The following NREP variants were observed in gnomAD, a reference collection of about 807,000 sequenced individuals.
NREP encodes the protein neuronal regeneration related protein.
In NREP, 5 loss-of-function variants were observed where a neutral mutation model predicts 8.6. That is an observed-to-expected ratio of 0.58 (90% CI 0.30 to 1.22). The LOEUF (loss-of-function observed/expected upper bound fraction) is 1.22, where lower values mean the gene tolerates loss of function less well. Ranked by LOEUF, NREP falls within the 50% of genes most tolerant of loss-of-function variation. NREP has a pLI of 0.07. For missense variants in NREP, 86 were observed against 82.5 expected (o/e 1.04, Z -0.17); for synonymous variants, 27 against 28.0 (o/e 0.96, Z 0.11).
chr5:111,904,006 G>C (rs1349935260), intron 2 of NREP, among the ~76,000 whole-genome samples: 17 of 151,966 alleles, frequency 1.1e-4, no homozygotes, highest in Admixed American at 1.1e-3. Context: ...TTTTTACATA[G>C]AACATTAATA....
chr5:111,853,353 T>C (rs1753354060), intron 2 of NREP, among the ~76,000 whole-genome samples: 1 of 151,916 alleles, frequency 6.6e-6, no homozygotes, highest in Non-Finnish European at 1.5e-5. Context: ...ACCCATAGAA[T>C]GTACAATGTT....
rs372488581 is a variant in NREP at position 111,757,163 on chromosome 5, C to A, written c.-86G>T. ...ACAAAAGCCCCGCTCCCTGTTCACT[C>A]TCTCTCCTCTCTACACCTGAAACAC... is the stretch of plus-strand genomic sequence containing the variant. On this transcript the variant is annotated 5_prime_UTR_variant, in exon 1 of 4. Transcript: ENST00000257435. The A allele has an allele frequency of 3.3e-5, 32 of 981,566 alleles. No homozygotes were observed. The South Asian group carries it at 1.3e-3, about 41-fold the overall frequency. The allele number at this position is 981,566 out of a possible 1,614,324, so 60.8% of individuals were successfully genotyped here. A position where few individuals can be genotyped will look rare whatever the true frequency, so the allele number is the denominator to read the frequency against.
At chr5:111,802,847 A>T (rs1304170206) in intron 2 of NREP, among the ~76,000 whole-genome samples, 1 of 152,234 alleles carries the variant, frequency 6.6e-6, no homozygotes, top group Non-Finnish European at 1.5e-5. Flanking sequence ...GTTGCAAGGG[A>T]CTATGAGCTC....
At chr5:111,948,761 C>T (rs1212895181) in intron 2 of NREP, 1 of 152,052 alleles carries the variant, frequency 6.6e-6, no homozygotes, top group Non-Finnish European at 1.5e-5. Context: ...CTGTGTCTGA[C>T]TCATATCATG....
At chr5:111,821,008 G>A (rs1752501904) in intron 2 of NREP, among the ~76,000 whole-genome samples, 1 of 152,172 alleles carries the variant, frequency 6.6e-6, no homozygotes. Context: ...TGAATCCCCA[G>A]TCTTTCAGAT....
intron 2 of NREP, among the ~76,000 whole-genome samples, chr5:111,943,982 T>C (rs1006285572): frequency 1.3e-5 from 2 of 152,116 alleles, no homozygotes; most frequent in Non-Finnish European, 2.9e-5. Context: ...TTAGAAATGT[T>C]TCTTCTATTG....
chr5:111,944,234 T>G (rs1755913715), intron 2 of NREP, among the ~76,000 whole-genome samples: 1 of 152,140 alleles, frequency 6.6e-6, no homozygotes, highest in African/African-American at 2.4e-5. Flanking sequence ...AGTACAATTG[T>G]TAGGTTTCTT....
chr5:111,826,150 A>G (rs1312731618), intron 2 of NREP, among the ~76,000 whole-genome samples: 1 of 152,020 alleles, frequency 6.6e-6, no homozygotes, highest in East Asian at 1.9e-4. Context: ...TAGCTGAAGG[A>G]TTGTAAATCC....
At chr5:111,820,222 A>C (rs1387286295) in intron 2 of NREP, among the ~76,000 whole-genome samples, 6 of 152,048 alleles carry the variant, frequency 3.9e-5, no homozygotes, top group Admixed American at 1.3e-4. Flanking sequence ...ATAGATCACA[A>C]AAAAAAAGTG....
At chr5:111,842,295 T>C (rs760778807) in intron 2 of NREP, among the ~76,000 whole-genome samples, 14 of 152,202 alleles carry the variant, frequency 9.2e-5, no homozygotes, top group Non-Finnish European at 4.4e-5. Flanking sequence ...AGAGACAATG[T>C]AGTTTGTAAC....
chr5:111,884,194 A>C (rs1374501664), intron 2 of NREP, among the ~76,000 whole-genome samples: 1 of 151,292 alleles, frequency 6.6e-6, no homozygotes, highest in Non-Finnish European at 1.5e-5. Context: ...TACTACAAAC[A>C]CCTCTACGCA....
chr5:111,900,852 C>A (rs185392489), intron 2 of NREP, among the ~76,000 whole-genome samples: 77 of 152,248 alleles, frequency 5.1e-4, no homozygotes, highest in Non-Finnish European at 8.8e-4. Flanking sequence ...AACATCAATT[C>A]TTCTCAACTA....
At chr5:111,787,622 G>A (rs1182501897) in intron 2 of NREP, among the ~76,000 whole-genome samples, 2 of 151,452 alleles carry the variant, frequency 1.3e-5, no homozygotes, top group Non-Finnish European at 2.9e-5. Flanking sequence ...AAAAAAAAAG[G>A]TGAAGAAATC....
intron 2 of NREP, among the ~76,000 whole-genome samples, chr5:111,850,480 C>T (rs1203323076): frequency 2.0e-5 from 3 of 152,134 alleles, no homozygotes; most frequent in Non-Finnish European, 4.4e-5. Flanking sequence ...CTTCTCCTCA[C>T]CCACATGATT....
At chr5:111,740,279 A>G (rs1461730173) in intron 2 of NREP, among the ~76,000 whole-genome samples, 1 of 152,170 alleles carries the variant, frequency 6.6e-6, no homozygotes, top group African/African-American at 2.4e-5. Context: ...AGGAAATACC[A>G]ATTTTATGCT....
chr5:111,962,288 TA>T (rs1264600201), intron 2 of NREP, among the ~76,000 whole-genome samples: 4 of 151,336 alleles, frequency 2.6e-5, no homozygotes, highest in African/African-American at 7.3e-5. Context: ...CTTACATCAT[TA>T]AAAAAAAATC....
chr5:111,828,602 A>G (rs368023862), intron 2 of NREP, among the ~76,000 whole-genome samples: 18 of 152,258 alleles, frequency 1.2e-4, no homozygotes, highest in East Asian at 3.9e-4. Flanking sequence ...TACAGCAATT[A>G]CCGTTGATTG....
chr5:111,957,708 C>T (rs887089418), intron 2 of NREP, among the ~76,000 whole-genome samples: 21 of 150,888 alleles, frequency 1.4e-4, no homozygotes, highest in Non-Finnish European at 2.1e-4. Flanking sequence ...TATATATATA[C>T]ACACACACAC....
At chr5:111,964,523 T>G (rs1021504823) in intron 2 of NREP, among the ~76,000 whole-genome samples, 3 of 152,020 alleles carry the variant, frequency 2.0e-5, no homozygotes, top group African/African-American at 4.8e-5. Flanking sequence ...TGTGCCACCA[T>G]GCCTGGCTAA....
Sources: gnomAD v4.1 joint callset for allele counts (sites outside exome capture counted in the v4.1 genomes callset) on GRCh38, gnomAD v4.1.1 for gene constraint, MANE v1.5 for transcripts, NCBI Gene and HGNC (gene_info 2026-07-23, HGNC 2026-07-21) for gene names.